Variants in ADAMTS20 observed in about 807,000 individuals in gnomAD.
ADAMTS20 encodes the protein ADAM metallopeptidase with thrombospondin type 1 motif 20.
A neutral mutation model predicts 260.1 loss-of-function variants in ADAMTS20; 225 were observed. The ratio of observed to expected loss-of-function variants is 0.87; its 90% CI spans 0.78 to 0.97. The LOEUF (loss-of-function observed/expected upper bound fraction) is 0.97. Among genes scored for constraint, ADAMTS20 ranks in the 50% least tolerant of loss-of-function variants. The probability of loss-of-function intolerance (pLI) is 0.00; values close to 1 mark genes in which losing one functional copy is unlikely to be tolerated. For synonymous variants in ADAMTS20, 802 were observed against 769.5 expected, an observed-to-expected ratio of 1.04 and a Z score of -0.70; for missense variants, 2,400 against 2,337.7, an observed-to-expected ratio of 1.03 and a Z score of -0.55.
At chr12:43,485,495 C>T (rs1214641748) in intron 7 of ADAMTS20, among the ~76,000 whole-genome samples, 1 of 152,008 alleles carries the variant, frequency 6.6e-6, no homozygotes, top group Non-Finnish European at 1.5e-5. Flanking sequence ...AAGCATTCTC[C>T]CTGAGAAGTG....
intron 38 of ADAMTS20, among the ~76,000 whole-genome samples, chr12:43,355,094 TAGAG>T (rs202017234): frequency 0.014 from 2,101 of 152,300 alleles, 30 homozygotes; most frequent in Non-Finnish European, 0.022. Flanking sequence ...GGAGTAAAGA[TAGAG>T]AAGAAAACTG....
At chr12:43,526,620 A>G (rs376606740) in intron 3 of ADAMTS20, among the ~76,000 whole-genome samples, 10 of 152,232 alleles carry the variant, frequency 6.6e-5, no homozygotes, top group African/African-American at 2.4e-4. Flanking sequence ...ATGGAAATTC[A>G]TAAACTATTT....
intron 2 of ADAMTS20, among the ~76,000 whole-genome samples, chr12:43,541,332 A>G (rs995021783): frequency 6.6e-6 from 1 of 152,192 alleles, no homozygotes; most frequent in African/African-American, 2.4e-5. Context: ...CTTCAGTTCC[A>G]TTGTCTGTAA....
chr12:43,427,215 T>C (rs2137298710), intron 27 of ADAMTS20, 93 bp downstream of exon 27: 1 of 1,393,630 alleles, frequency 7.2e-7, no homozygotes, highest in East Asian at 2.4e-5. Context: ...CATAGTATAG[T>C]GAAATCAGAT....
chr12:43,422,975 T>C (rs188450774), intron 28 of ADAMTS20: 36 of 152,222 alleles, frequency 2.4e-4, no homozygotes, highest in African/African-American at 8.2e-4. Flanking sequence ...ACAGTGGATA[T>C]GTAGAGAAGG....
Position 43,376,044 on chromosome 12 carries a change from A to T in ADAMTS20, c.5312+13T>A. ...CATGAAAATGCTCAGATAGACCAAA[A>T]CACATCTCGTACCTAAAGCCATACA... On this transcript the variant is annotated intron_variant, in intron 35 of 38. Transcript: ENST00000389420. 1 of 1,586,946 alleles carries T rather than the reference A, an allele frequency of 6.3e-7. No individual in the cohort carries two copies. The highest frequency in any genetic ancestry group is 8.6e-7 in the Non-Finnish European group (1 of 1,168,142).
chr12:43,380,479 G>A (rs1940325163), intron 31 of ADAMTS20, among the ~76,000 whole-genome samples: 1 of 151,826 alleles, frequency 6.6e-6, no homozygotes, highest in Non-Finnish European at 1.5e-5. Context: ...CATCTTTAAA[G>A]AAAGAAGTAA....
Position 43,439,666 on chromosome 12 carries a change from C to T in ADAMTS20, c.2549G>A (p.Trp850Ter). ...GCCTTCCCATGGTCCATAGGGGTCCCATGTGAACATGTCACTCCTCTCTTC... is the reference window on the plus strand; with the variant it reads ...GCCTTCCCATGGTCCATAGGGGTCCTATGTGAACATGTCACTCCTCTCTTC... ...PLEERSDMFT[W>*]DPYGPWEGCT... The change falls in exon 18 of 39, where the codon TGG becomes TAG. Residue 850 changes from tryptophan (W) to a stop codon, truncating the protein, a stop_gained. Coordinates refer to ENST00000389420, the MANE Select transcript of ADAMTS20 (RefSeq NM_025003.5). LOFTEE classifies it high-confidence loss of function. The T allele has an allele frequency of 1.2e-6, 2 of 1,613,680 alleles. No homozygotes were observed. Among genetic ancestry groups the T allele is most frequent in the South Asian group, 2.2e-5 (2 of 91,038 alleles).
intron 2 of ADAMTS20, 119 bp from the exon 3 acceptor site, chr12:43,532,314 G>C (rs1211324077): frequency 3.5e-6 from 3 of 860,580 alleles, no homozygotes; most frequent in African/African-American, 3.4e-5. Context: ...TGTTCACTAA[G>C]AGCCATCAAC....
At chr12:43,461,000 T>A (rs1224037737) in intron 11 of ADAMTS20, among the ~76,000 whole-genome samples, 4 of 84,516 alleles carry the variant, frequency 4.7e-5, no homozygotes, top group Non-Finnish European at 7.2e-5. Flanking sequence ...TTTTTTTTTT[T>A]TTTTTTTTTT....
At chr12:43,425,930 A>T (rs1428878449) in intron 27 of ADAMTS20, among the ~76,000 whole-genome samples, 3 of 152,180 alleles carry the variant, frequency 2.0e-5, no homozygotes, top group Non-Finnish European at 4.4e-5. Flanking sequence ...GACTTTAAAA[A>T]TTGACCAGAT....
chr12:43,486,093 T>A (rs2137421293), intron 7 of ADAMTS20, among the ~76,000 whole-genome samples: 1 of 152,162 alleles, frequency 6.6e-6, no homozygotes, highest in South Asian at 2.1e-4. Flanking sequence ...AAAATTCATA[T>A]AGAACCAAAC....
intron 3 of ADAMTS20, among the ~76,000 whole-genome samples, chr12:43,511,196 T>G (rs1942919152): frequency 6.6e-6 from 1 of 152,102 alleles, no homozygotes; most frequent in Non-Finnish European, 1.5e-5. Flanking sequence ...AATACAAAAT[T>G]AGACACGGAG....
chr12:43,525,759 G>A (rs1027915189), intron 3 of ADAMTS20, among the ~76,000 whole-genome samples: 15 of 151,954 alleles, frequency 9.9e-5, no homozygotes, highest in Admixed American at 1.3e-4. Context: ...AGCAGCAACA[G>A]TATAAAAAGA....
At chr12:43,375,316 A>T (rs1940199202) in intron 36 of ADAMTS20, 63 bp downstream of exon 36, 30 of 1,536,824 alleles carry the variant, frequency 2.0e-5, no homozygotes, top group Admixed American at 3.8e-5. Context: ...ATACCAACAT[A>T]TTGTTTGACG....
intron 3 of ADAMTS20, among the ~76,000 whole-genome samples, chr12:43,531,051 A>C (rs1455766591): frequency 1.3e-5 from 2 of 151,952 alleles, no homozygotes; most frequent in African/African-American, 4.8e-5. Flanking sequence ...ATTGCCTCTA[A>C]CACCAAAAAA....
chr12:43,446,688 T>G lies in ADAMTS20; in HGVS notation c.2104A>C (p.Asn702His). Residue 702 changes from asparagine (N) to histidine (H), a missense_variant, in exon 15 of 39, where the codon AAC becomes CAC. Physicochemically the swap from Asn to His is moderately conservative, Grantham distance 68. Coordinates refer to ENST00000389420, the MANE Select transcript of ADAMTS20 (RefSeq NM_025003.5). ...CMAAGCDHVL[N>H]SSAKIDKCGV... ...CATTTGTCTATCTTGGCACTGGAGT[T>G]TAACACGTGATCACAACCAGCTGCC... 6.2e-7 allele frequency: 1 copy of G among 1,613,246 alleles called. No individual in the cohort carries two copies. Among genetic ancestry groups the G allele is most frequent in the Non-Finnish European group, 8.5e-7 (1 of 1,179,466 alleles).
chr12:43,481,627 C>T (rs1942443346), intron 7 of ADAMTS20, among the ~76,000 whole-genome samples: 1 of 152,176 alleles, frequency 6.6e-6, no homozygotes, highest in Admixed American at 6.5e-5. Flanking sequence ...AATCAGGTGG[C>T]TGCATTTAAA....
intron 2 of ADAMTS20, among the ~76,000 whole-genome samples, chr12:43,550,254 T>C (rs1943493726): frequency 6.6e-6 from 1 of 152,220 alleles, no homozygotes; most frequent in South Asian, 2.1e-4. Context: ...AATGATACTT[T>C]TATATCACAT....
Sources: gnomAD v4.1 joint callset for allele counts (sites outside exome capture counted in the v4.1 genomes callset) on GRCh38, gnomAD v4.1.1 for gene constraint, MANE v1.5 for transcripts, NCBI Gene and HGNC (gene_info 2026-07-23, HGNC 2026-07-21) for gene names.